PCSK2: variants seen among roughly 807,000 people sequenced by gnomAD.
PCSK2 encodes neuroendocrine convertase 2.
Under a neutral mutation model 69.7 loss-of-function variants are expected in PCSK2, and 14 were observed. The ratio of observed to expected loss-of-function variants is 0.20; its 90% CI spans 0.13 to 0.31. The LOEUF is 0.31. PCSK2 is among the 10% of genes least tolerant of loss of function. The probability of loss-of-function intolerance (pLI) is 1.00; values close to 1 mark genes in which losing one functional copy is unlikely to be tolerated. For synonymous variants in PCSK2, 307 were observed against 320.7 expected, an observed-to-expected ratio of 0.96 and a Z score of 0.46; for missense variants, 544 against 842.5, an observed-to-expected ratio of 0.65 and a Z score of 4.39.
chr20:17,412,935 T>A lies in PCSK2; in HGVS notation c.620+3596T>A, dbSNP rs192112741. Among the ~76,000 whole-genome samples the A allele has an allele frequency of 2.0e-3, 300 of 152,154 alleles. 1 individual carries two copies. The highest frequency in any genetic ancestry group is 6.9e-3 in the African/African-American group (286 of 41,502). ...AATTTCATATCCAGCCAAACTAAGCTTCATAAGTGAAGGAGAAATAAAATC... is the reference window on the plus strand; with the variant it reads ...AATTTCATATCCAGCCAAACTAAGCATCATAAGTGAAGGAGAAATAAAATC... On this transcript the variant is annotated intron_variant, in intron 6 of 11. Coordinates refer to ENST00000262545, the MANE Select transcript of PCSK2 (RefSeq NM_002594.5).
intron 2 of PCSK2, among the ~76,000 whole-genome samples, chr20:17,279,017 C>T (rs577294555): frequency 1.3e-5 from 2 of 152,238 alleles, no homozygotes; most frequent in South Asian, 2.1e-4. Flanking sequence ...TTTGACTTCA[C>T]GATGTAGTGG....
At chr20:17,261,499 A>T (rs757568801) in intron 2 of PCSK2, among the ~76,000 whole-genome samples, 16 of 152,214 alleles carry the variant, frequency 1.1e-4, no homozygotes, top group Non-Finnish European at 2.1e-4. Context: ...TTCTCTAAAG[A>T]GGAATTTCTG....
chr20:17,434,335 C>G (rs1156606586), intron 7 of PCSK2, among the ~76,000 whole-genome samples: 6 of 150,994 alleles, frequency 4.0e-5, no homozygotes, highest in African/African-American at 1.5e-4. Flanking sequence ...GAGAGGCCTT[C>G]CCTAAAAACC....
chr20:17,271,099 A>G (rs1987847946), intron 2 of PCSK2, among the ~76,000 whole-genome samples: 1 of 152,106 alleles, frequency 6.6e-6, no homozygotes, highest in South Asian at 2.1e-4. Context: ...CTTTCTTTTC[A>G]TCTGAGAAAT....
chr20:17,427,712 C>A (rs2032277034), intron 6 of PCSK2, among the ~76,000 whole-genome samples: 1 of 152,160 alleles, frequency 6.6e-6, no homozygotes, highest in Admixed American at 6.5e-5. Flanking sequence ...CTGAGCTCAC[C>A]CTTGTCTCCC....
intron 2 of PCSK2, among the ~76,000 whole-genome samples, chr20:17,291,376 GTGTTT>G (rs577696780): frequency 3.4e-4 from 52 of 152,068 alleles, no homozygotes; most frequent in Non-Finnish European, 5.9e-4. Flanking sequence ...TGTTTTTGTT[GTGTTT>G]TGTTTTGTTT....
At chr20:17,463,125 C>G (rs560687103) in intron 10 of PCSK2, among the ~76,000 whole-genome samples, 1 of 129,644 alleles carries the variant, frequency 7.7e-6, no homozygotes, top group Non-Finnish European at 1.7e-5. Flanking sequence ...CATTATTTCT[C>G]TCTCTCTCAT....
At chr20:17,411,013 T>A (rs2031859863) in intron 6 of PCSK2, among the ~76,000 whole-genome samples, 1 of 152,100 alleles carries the variant, frequency 6.6e-6, no homozygotes, top group South Asian at 2.1e-4. Context: ...GGAAAGATTA[T>A]CCCCCAATCT....
At chr20:17,355,594 C>T (rs2030167426) in intron 2 of PCSK2, among the ~76,000 whole-genome samples, 1 of 152,044 alleles carries the variant, frequency 6.6e-6, no homozygotes, top group Admixed American at 6.6e-5. Flanking sequence ...GAGAACTATA[C>T]ATTTACTTCA....
At chr20:17,396,214 C>T (rs925421299) in intron 5 of PCSK2, among the ~76,000 whole-genome samples, 16 of 152,372 alleles carry the variant, frequency 1.1e-4, no homozygotes, top group Admixed American at 3.9e-4. Flanking sequence ...CTGATTTACA[C>T]GGTTGCTATT....
At chr20:17,366,148 T>A (rs1311886228) in intron 4 of PCSK2, among the ~76,000 whole-genome samples, 1 of 152,162 alleles carries the variant, frequency 6.6e-6, no homozygotes. Context: ...AGAGCCAGGG[T>A]TCTGACATGC....
chr20:17,368,847 A>C (rs1277813055), intron 4 of PCSK2, among the ~76,000 whole-genome samples: 1 of 152,198 alleles, frequency 6.6e-6, no homozygotes, highest in Non-Finnish European at 1.5e-5. Context: ...GCCAGAGTAC[A>C]TTCTCCTAAT....
chr20:17,303,561 TATATA>T (rs1989226638), intron 2 of PCSK2, among the ~76,000 whole-genome samples: 1 of 105,542 alleles, frequency 9.5e-6, no homozygotes, highest in South Asian at 2.7e-4. Flanking sequence ...TAATATATAT[TATATA>T]ATATATTAAA....
rs180990489 is a variant in PCSK2, at chr20:17,233,968, T to C, written c.177+6486T>C. On this transcript the variant is annotated intron_variant, in intron 1 of 11. Coordinates refer to ENST00000262545, the MANE Select transcript of PCSK2 (RefSeq NM_002594.5). ...GAGAACAGTACATTTTGACACCAAA[T>C]GCCAAAGCAGCATCACAAGATGAAA... Among the ~76,000 whole-genome samples the C allele has an allele frequency of 2.8e-3, 434 of 152,326 alleles. 1 individual carries two copies. Among genetic ancestry groups the C allele is most frequent in the South Asian group, 9.3e-3 (45 of 4,828 alleles).
intron 5 of PCSK2, among the ~76,000 whole-genome samples, chr20:17,384,004 T>G (rs1229305207): frequency 6.6e-6 from 1 of 152,186 alleles, no homozygotes; most frequent in Non-Finnish European, 1.5e-5. Context: ...ATATAGAAAA[T>G]AACACCGAAC....
intron 6 of PCSK2, among the ~76,000 whole-genome samples, chr20:17,421,879 A>G (rs1025000349): frequency 5.3e-5 from 8 of 150,370 alleles, no homozygotes; most frequent in African/African-American, 1.7e-4. Flanking sequence ...CCTAAAATCC[A>G]CTATTCCAAA....
chr20:17,380,058 T>C (rs902315789), intron 5 of PCSK2, among the ~76,000 whole-genome samples: 1 of 152,198 alleles, frequency 6.6e-6, no homozygotes, highest in East Asian at 1.9e-4. Context: ...CCCCAAGCCC[T>C]AGATGAGACA....
intron 2 of PCSK2, among the ~76,000 whole-genome samples, chr20:17,300,917 A>G (rs1989059515): frequency 6.6e-6 from 1 of 152,248 alleles, no homozygotes; most frequent in Non-Finnish European, 1.5e-5. Flanking sequence ...ATTTGTATTT[A>G]GGAGAGGCAT....
chr20:17,434,153 T>C (rs1201919586), intron 7 of PCSK2, among the ~76,000 whole-genome samples: 2 of 145,094 alleles, frequency 1.4e-5, no homozygotes, highest in Non-Finnish European at 3.0e-5. Context: ...TCTGCCTCTC[T>C]CTATCCCATT....
Sources: allele counts gnomAD v4.1 joint callset (sites outside exome capture counted in the v4.1 genomes callset), GRCh38; gene constraint gnomAD v4.1.1; transcripts MANE v1.5; gene names NCBI Gene and HGNC (gene_info 2026-07-23, HGNC 2026-07-21).